GPC6: variants seen among roughly 807,000 people sequenced by gnomAD.
GPC6 encodes the protein glypican-6.
In GPC6, 14 loss-of-function variants were observed where a neutral mutation model predicts 55.2. The ratio of observed to expected loss-of-function variants is 0.25; its 90% CI spans 0.17 to 0.40. GPC6 has a LOEUF of 0.40. Among genes scored for constraint, GPC6 ranks in the 10% least tolerant of loss-of-function variants. The probability of loss-of-function intolerance (pLI) is 1.00; values close to 1 mark genes in which losing one functional copy is unlikely to be tolerated. For synonymous variants in GPC6, 278 were observed against 259.6 expected (o/e 1.07, Z -0.68); for missense variants, 641 against 708.5 (o/e 0.90, Z 1.08).
intron 4 of GPC6, among the ~76,000 whole-genome samples, chr13:94,246,955 C>T (rs1891215969): frequency 6.6e-6 from 1 of 151,926 alleles, no homozygotes; most frequent in Admixed American, 6.6e-5. Context: ...GCAGTATGGA[C>T]ATTTTAACAA....
intron 1 of GPC6, among the ~76,000 whole-genome samples, chr13:93,374,794 A>G (rs1236389114): frequency 6.6e-6 from 1 of 152,244 alleles, no homozygotes; most frequent in Non-Finnish European, 1.5e-5. Flanking sequence ...TATGGTAATC[A>G]TATTTTTAAT....
At chr13:93,921,923 C>T (rs371129556) in intron 3 of GPC6, among the ~76,000 whole-genome samples, 6 of 151,162 alleles carry the variant, frequency 4.0e-5, no homozygotes, top group African/African-American at 1.5e-4. Context: ...GTCTCCTGTC[C>T]GTATCAATAT....
chr13:93,942,540 T>A (rs1470692399), intron 3 of GPC6, among the ~76,000 whole-genome samples: 2 of 152,188 alleles, frequency 1.3e-5, no homozygotes, highest in Non-Finnish European at 2.9e-5. Flanking sequence ...CAGGTTGGTC[T>A]CAAACTCCTG....
intron 2 of GPC6, among the ~76,000 whole-genome samples, chr13:93,575,395 C>G (rs1312572083): frequency 6.6e-6 from 1 of 152,112 alleles, no homozygotes; most frequent in Non-Finnish European, 1.5e-5. Flanking sequence ...TGTAGTGTTT[C>G]TAAAACCGGA....
At chr13:93,776,075 T>TG (rs951252731) in intron 2 of GPC6, among the ~76,000 whole-genome samples, 12 of 33,610 alleles carry the variant, frequency 3.6e-4, no homozygotes, top group Admixed American at 2.4e-3. Flanking sequence ...TTTTGGGGGG[T>TG]GGGGGGGTGG....
intron 3 of GPC6, among the ~76,000 whole-genome samples, chr13:94,002,703 C>G (rs769626591): frequency 1.2e-4 from 19 of 152,042 alleles, no homozygotes; most frequent in Non-Finnish European, 1.6e-4. Context: ...AAAAAAAACT[C>G]CCTGTCTTGA....
At chr13:94,052,455 TC>T (rs1377536526) in intron 4 of GPC6, among the ~76,000 whole-genome samples, 1 of 152,176 alleles carries the variant, frequency 6.6e-6, no homozygotes, top group Non-Finnish European at 1.5e-5. Context: ...ATGAACTGCC[TC>T]ATATGCTATG....
At chr13:94,296,825 G>A (rs988944024) in intron 5 of GPC6, among the ~76,000 whole-genome samples, 1 of 152,004 alleles carries the variant, frequency 6.6e-6, no homozygotes, top group African/African-American at 2.4e-5. Flanking sequence ...TTATAGATAC[G>A]ACTGACACAA....
intron 4 of GPC6, among the ~76,000 whole-genome samples, chr13:94,133,282 A>C (rs930997594): frequency 9.9e-5 from 15 of 151,588 alleles, no homozygotes; most frequent in South Asian, 2.1e-4. Context: ...AAAAAAAAAA[A>C]AAAAAAAAAA....
At chr13:93,490,514 G>GTTTTTTTTTTTTTTTTT (rs796098096) in intron 1 of GPC6, among the ~76,000 whole-genome samples, 5 of 35,330 alleles carry the variant, frequency 1.4e-4, no homozygotes, top group Non-Finnish European at 2.4e-4. Flanking sequence ...TTTTTTTTGA[G>GTTTTTTTTTTTTTTTTT]TTTTTTTTTT....
intron 6 of GPC6, among the ~76,000 whole-genome samples, chr13:94,379,908 T>C (rs1439871239): frequency 2.0e-5 from 3 of 152,178 alleles, no homozygotes; most frequent in Non-Finnish European, 4.4e-5. Context: ...GAGTGATCAG[T>C]AGTTAGAATC....
chr13:93,236,173 A>C (rs1027744053), intron 1 of GPC6, among the ~76,000 whole-genome samples: 1 of 152,222 alleles, frequency 6.6e-6, no homozygotes, highest in Non-Finnish European at 1.5e-5. Flanking sequence ...CTGGACCCTC[A>C]GATGGGAGCT....
chr13:93,723,327 T>C lies in GPC6; in HGVS notation c.320-106827T>C, dbSNP rs751894027. ...TGCTGATGTTTCCTATGGGAGGCAG[T>C]TTCTGATGTGTCTTTTCGTGATCTC... On this transcript the variant is annotated intron_variant, in intron 2 of 8. Coordinates refer to ENST00000377047, the MANE Select transcript of GPC6 (RefSeq NM_005708.5). Among the ~76,000 whole-genome samples, 7 of 151,900 alleles carry C rather than the reference T, an allele frequency of 4.6e-5. No homozygotes were observed. The South Asian group carries it at 6.2e-4, about 13-fold the overall frequency.
Position 94,407,141 on chromosome 13 carries a change from C to G in GPC6, c.*3924C>G, listed in dbSNP as rs988509686. On this transcript the variant is annotated 3_prime_UTR_variant, in exon 9 of 9. Coordinates refer to ENST00000377047, the MANE Select transcript of GPC6 (RefSeq NM_005708.5). ...CTTAGCATGGGGACATTTTGAACTT[C>G]ATTCAAAGTTGAGTAGTTACTGGAA... The G allele has an allele frequency of 7.2e-5, 11 of 152,080 alleles. No homozygotes were observed. The highest frequency in any genetic ancestry group is 2.7e-4 in the African/African-American group (11 of 41,434). The allele number at this position is 152,080 out of a possible 1,614,324, so 9.4% of individuals were successfully genotyped here.
At chr13:93,848,966 T>G (rs1354768020) in intron 3 of GPC6, among the ~76,000 whole-genome samples, 1 of 152,048 alleles carries the variant, frequency 6.6e-6, no homozygotes, top group Admixed American at 6.6e-5. Context: ...GCTGAACCAG[T>G]TTTTTACTCA....
intron 3 of GPC6, among the ~76,000 whole-genome samples, chr13:93,865,326 C>T (rs1888928829): frequency 6.6e-6 from 1 of 151,688 alleles, no homozygotes; most frequent in Non-Finnish European, 1.5e-5. Flanking sequence ...AAATGTCTGG[C>T]CTACTTCAAG....
At chr13:93,540,323 A>G (rs918796776) in intron 1 of GPC6, among the ~76,000 whole-genome samples, 4 of 152,204 alleles carry the variant, frequency 2.6e-5, no homozygotes, top group Admixed American at 6.6e-5. Context: ...ATTAAGTACC[A>G]TATATCCATC....
chr13:93,332,352 CTT>C (rs1374752057), intron 1 of GPC6, among the ~76,000 whole-genome samples: 1 of 149,402 alleles, frequency 6.7e-6, no homozygotes, highest in Non-Finnish European at 1.5e-5. Flanking sequence ...TAGGAATTCT[CTT>C]TCCTCTGCTC....
chr13:94,145,590 G>A (rs957220133), intron 4 of GPC6, among the ~76,000 whole-genome samples: 3 of 152,078 alleles, frequency 2.0e-5, no homozygotes, highest in Non-Finnish European at 4.4e-5. Context: ...AGAAGTGTAA[G>A]CTTTGTATAT....
Sources: gnomAD v4.1 joint callset for allele counts (sites outside exome capture counted in the v4.1 genomes callset) on GRCh38, gnomAD v4.1.1 for gene constraint, MANE v1.5 for transcripts, NCBI Gene and HGNC (gene_info 2026-07-23, HGNC 2026-07-21) for gene names.